The following ANXA10 variants were observed in gnomAD, a reference collection of about 807,000 sequenced individuals.
The protein encoded by ANXA10 is annexin A10.
Under a neutral mutation model 53.5 loss-of-function variants are expected in ANXA10, and 49 were observed. The ratio of observed to expected loss-of-function variants is 0.92; its 90% CI spans 0.73 to 1.16. The LOEUF (loss-of-function observed/expected upper bound fraction) is 1.16. Among genes scored for constraint, ANXA10 ranks in the 50% most tolerant of loss-of-function variants. ANXA10 has a pLI of 0.00. For synonymous variants in ANXA10, 131 were observed against 128.9 expected, an observed-to-expected ratio of 1.02 and a Z score of -0.11; for missense variants, 393 against 394.4, an observed-to-expected ratio of 1.00 and a Z score of 0.03.
At chr4:168,156,199 A>AT (rs1560784518) in intron 3 of ANXA10, among the ~76,000 whole-genome samples, 427 of 7,288 alleles carry the variant, frequency 0.059, 3 homozygotes, top group Non-Finnish European at 0.087. Context: ...ATTATATATA[A>AT]TATATATTAT....
intron 6 of ANXA10, among the ~76,000 whole-genome samples, chr4:168,165,992 T>C (rs1433922715): frequency 6.6e-6 from 1 of 152,214 alleles, no homozygotes; most frequent in Non-Finnish European, 1.5e-5. Context: ...AATAATTTCA[T>C]TTTTAAAACT....
intron 1 of ANXA10, 75 bp from the exon 2 acceptor site, chr4:168,128,009 C>A: frequency 1.5e-6 from 2 of 1,327,598 alleles, no homozygotes; most frequent in Non-Finnish European, 1.1e-6. Context: ...CAGGTATGAG[C>A]CACTGTGCCC....
intron 1 of ANXA10, among the ~76,000 whole-genome samples, chr4:168,110,970 A>T (rs193289490): frequency 6.6e-6 from 1 of 152,328 alleles, no homozygotes; most frequent in East Asian, 1.9e-4. Flanking sequence ...AGTTCTCTAG[A>T]TAATAATATC....
intron 9 of ANXA10, 123 bp downstream of exon 9, chr4:168,179,435 T>A (rs1189330805): frequency 1.4e-6 from 1 of 692,086 alleles, no homozygotes. Flanking sequence ...TTGAATTTAA[T>A]TTTTTAAAAG....
At chr4:168,169,093 G>C (rs1242402066) in intron 6 of ANXA10, among the ~76,000 whole-genome samples, 1 of 152,032 alleles carries the variant, frequency 6.6e-6, no homozygotes, top group Non-Finnish European at 1.5e-5. Flanking sequence ...GTAAAATGTA[G>C]GTATAAGCTC....
chr4:168,110,808 A>G (rs879297219), intron 1 of ANXA10, among the ~76,000 whole-genome samples: 10 of 152,204 alleles, frequency 6.6e-5, no homozygotes, highest in Admixed American at 2.0e-4. Context: ...AACAAAACCA[A>G]CCAGAGCCAT....
At chr4:168,136,508 T>C (rs1455109730) in intron 2 of ANXA10, among the ~76,000 whole-genome samples, 4 of 152,224 alleles carry the variant, frequency 2.6e-5, no homozygotes. Flanking sequence ...AGAGGCCCTA[T>C]GCAAGCCTGA....
intron 3 of ANXA10, among the ~76,000 whole-genome samples, chr4:168,155,039 C>A (rs1731579769): frequency 6.6e-6 from 1 of 151,798 alleles, no homozygotes; most frequent in South Asian, 2.1e-4. Flanking sequence ...CAAATCAACC[C>A]AACATTTACT....
intron 6 of ANXA10, among the ~76,000 whole-genome samples, chr4:168,175,390 G>A (rs1445830076): frequency 6.6e-6 from 1 of 152,158 alleles, no homozygotes; most frequent in Non-Finnish European, 1.5e-5. Context: ...ATTTGAAAGG[G>A]AGCCAGAACA....
intron 6 of ANXA10, among the ~76,000 whole-genome samples, chr4:168,170,928 G>A (rs546936065): frequency 4.6e-5 from 7 of 152,144 alleles, no homozygotes; most frequent in Admixed American, 1.3e-4. Context: ...CAGAAGTTCC[G>A]TGATAATTTA....
At chr4:168,094,786 T>C (rs1560955536) in intron 1 of ANXA10, among the ~76,000 whole-genome samples, 1 of 152,108 alleles carries the variant, frequency 6.6e-6, no homozygotes. Context: ...AATGGTTACA[T>C]TTCTGTAGGA....
chr4:168,134,246 G>A (rs193135765), intron 2 of ANXA10, among the ~76,000 whole-genome samples: 1 of 152,162 alleles, frequency 6.6e-6, no homozygotes, highest in African/African-American at 2.4e-5. Context: ...AAGTCTTTTA[G>A]AGAAGAAAAA....
intron 3 of ANXA10, among the ~76,000 whole-genome samples, chr4:168,156,348 TATATA>T (rs1375860406): frequency 3.4e-5 from 4 of 118,012 alleles, no homozygotes; most frequent in African/African-American, 6.6e-5. Context: ...GTATATATGT[TATATA>T]ATATATTATA....
chr4:168,128,032 G>A, intron 1 of ANXA10, 52 bp from the exon 2 acceptor site: 2 of 1,515,252 alleles, frequency 1.3e-6, no homozygotes, highest in South Asian at 1.1e-5. Flanking sequence ...CCACAATGTT[G>A]AAACATTAAC....
chr4:168,154,955 C>G (rs777399481), intron 3 of ANXA10, among the ~76,000 whole-genome samples: 2 of 152,076 alleles, frequency 1.3e-5, no homozygotes, highest in Non-Finnish European at 2.9e-5. Context: ...ACTCAACTTT[C>G]CATTATTAGG....
chr4:168,165,270 G>A lies in ANXA10; in HGVS notation c.424G>A (p.Asp142Asn), dbSNP rs754108583. ...AGAATACAGCAATAACCTCCAAGAGGACATTTATTCAGAGACCTCAGGACA... is the reference window on the plus strand; with the variant it reads ...AGAATACAGCAATAACCTCCAAGAGAACATTTATTCAGAGACCTCAGGACA... ...CLQYSNNLQE[D>N]IYSETSGHFR... is the part of the protein sequence containing the mutation. Residue 142 changes from aspartate (D) to asparagine (N), a missense_variant, in exon 6 of 12, where the codon GAC becomes AAC. Asp to Asn is a conservative substitution (Grantham distance 23). Transcript: ENST00000359299. 6 of 1,591,048 alleles carry A rather than the reference G, an allele frequency of 3.8e-6. No individual in the cohort carries two copies. The highest frequency in any genetic ancestry group is 3.5e-4 in the Middle Eastern group (2 of 5,742).
chr4:168,170,174 A>G (rs73862572), intron 6 of ANXA10, among the ~76,000 whole-genome samples: 300 of 152,320 alleles, frequency 2.0e-3, no homozygotes, highest in African/African-American at 7.0e-3. Flanking sequence ...ATAACACACA[A>G]TATTTTATCA....
chr4:168,120,439 T>C (rs550775806), intron 1 of ANXA10, among the ~76,000 whole-genome samples: 58 of 152,188 alleles, frequency 3.8e-4, no homozygotes, highest in African/African-American at 1.3e-3. Context: ...TAAGAAAATA[T>C]TAACACTTCA....
At chr4:168,131,760 T>C (rs1731159588) in intron 2 of ANXA10, among the ~76,000 whole-genome samples, 1 of 152,084 alleles carries the variant, frequency 6.6e-6, no homozygotes. Context: ...TTATTCCTGA[T>C]AATTTTCTTT....
Sources: allele counts gnomAD v4.1 joint callset (sites outside exome capture counted in the v4.1 genomes callset), GRCh38; gene constraint gnomAD v4.1.1; transcripts MANE v1.5; gene names NCBI Gene and HGNC (gene_info 2026-07-23, HGNC 2026-07-21).